The following SYCP2 variants were observed in gnomAD, a reference collection of about 807,000 sequenced individuals.
SYCP2 encodes synaptonemal complex protein 2, also known as synaptonemal complex lateral element protein.
In SYCP2, 55 loss-of-function variants were observed where a neutral mutation model predicts 211.3. That is an observed-to-expected ratio of 0.26 (90% CI 0.21 to 0.33). The LOEUF (loss-of-function observed/expected upper bound fraction) is 0.33. Ranked by LOEUF, SYCP2 falls within the 10% of genes least tolerant of loss-of-function variation. The pLI, the probability that SYCP2 is intolerant of heterozygous loss-of-function variation, is 1.00. For synonymous variants in SYCP2, 570 were observed against 555.2 expected (o/e 1.03, Z -0.37); for missense variants, 1,731 against 1,752.0 (o/e 0.99, Z 0.21).
chr20:59,890,656 T>C (rs2059889133), intron 24 of SYCP2, among the ~76,000 whole-genome samples: 1 of 151,754 alleles, frequency 6.6e-6, no homozygotes, highest in African/African-American at 2.4e-5. Context: ...AGGATACAGG[T>C]AGTGACTCTA....
intron 1 of SYCP2, among the ~76,000 whole-genome samples, chr20:59,932,504 C>G (rs1024617068): frequency 6.6e-6 from 1 of 152,006 alleles, no homozygotes; most frequent in African/African-American, 2.4e-5. Flanking sequence ...GGAGAAAACC[C>G]GTCTCTACTA....
At chr20:59,908,564 ATTG>A (rs1178055391) in intron 14 of SYCP2, among the ~76,000 whole-genome samples, 12 of 152,204 alleles carry the variant, frequency 7.9e-5, no homozygotes, top group East Asian at 5.8e-4. Context: ...ATTCCCAATA[ATTG>A]TTATCATCTA....
At chr20:59,895,004 T>TA (rs11477513) in intron 20 of SYCP2, among the ~76,000 whole-genome samples, 2 of 152,076 alleles carry the variant, frequency 1.3e-5, no homozygotes, top group South Asian at 4.1e-4. Flanking sequence ...CTTGACCCTC[T>TA]AACTTGGTTC....
intron 7 of SYCP2, among the ~76,000 whole-genome samples, chr20:59,918,906 A>G (rs1205097459): frequency 1.3e-5 from 2 of 152,130 alleles, no homozygotes; most frequent in Non-Finnish European, 2.9e-5. Context: ...AATGGCATCA[A>G]TAAATTATTC....
intron 9 of SYCP2, 44 bp downstream of exon 9, chr20:59,915,421 T>A (rs771995400): frequency 7.6e-7 from 1 of 1,315,952 alleles, no homozygotes; most frequent in South Asian, 1.3e-5. Context: ...TAAAACATTC[T>A]TATGGATTTT....
At position 59,913,988 on chromosome 20, in the gene SYCP2, C is replaced by A; in HGVS notation, c.817G>T (p.Gly273Ter). Residue 273 changes from glycine (G) to a stop codon, truncating the protein, a stop_gained, in exon 12 of 45, where the codon GGA becomes TGA. Coordinates refer to ENST00000357552, the MANE Select transcript of SYCP2 (RefSeq NM_014258.4). LOFTEE classifies it high-confidence loss of function. ...IFLNLVNGML[G>*]DKRRVFTFPC... ...CATTAAGTTTACCTTCTTTTGTCTC[C>A]AAGCATGCCATTTACAAGGTTGAGA... 6.3e-7 allele frequency: 1 copy of A among 1,598,624 alleles called. No homozygotes were observed. Among genetic ancestry groups the A allele is most frequent in the South Asian group, 1.1e-5 (1 of 87,742 alleles).
chr20:59,893,224 T>C (rs1310768232), intron 21 of SYCP2, 25 bp from the exon 22 acceptor site: 7 of 1,474,316 alleles, frequency 4.7e-6, no homozygotes, highest in Non-Finnish European at 1.9e-6. Context: ...TATTATAATA[T>C]TTTCATTTTT....
At chr20:59,892,538 C>A (rs1400278547) in intron 23 of SYCP2, 30 bp downstream of exon 23, 2 of 1,578,974 alleles carry the variant, frequency 1.3e-6, no homozygotes, top group South Asian at 1.2e-5. Context: ...TAACACTGAA[C>A]TATTACATAT....
intron 4 of SYCP2, 104 bp downstream of exon 4, chr20:59,921,206 A>G (rs2060535785): frequency 2.3e-6 from 2 of 870,612 alleles, no homozygotes; most frequent in African/African-American, 1.8e-5. Context: ...ATTATGACTG[A>G]GCTTGCCCAA....
chr20:59,913,294 T>C (rs1028356423), intron 12 of SYCP2, among the ~76,000 whole-genome samples: 3 of 152,100 alleles, frequency 2.0e-5, no homozygotes, highest in African/African-American at 4.8e-5. Context: ...TGCCCAATAT[T>C]AGAACAGGAA....
intron 3 of SYCP2, among the ~76,000 whole-genome samples, chr20:59,922,085 A>G (rs541060272): frequency 5.3e-5 from 8 of 151,798 alleles, no homozygotes; most frequent in South Asian, 4.1e-4. Context: ...ACAATATCTT[A>G]ACCTCTAAAA....
intron 13 of SYCP2, chr20:59,912,119 A>G (rs923643439): frequency 1.7e-5 from 7 of 416,562 alleles, no homozygotes; most frequent in Admixed American, 4.5e-5. Flanking sequence ...CATACATGAT[A>G]AATCAATAAT....
At chr20:59,866,428 C>T (rs2059335621) in intron 40 of SYCP2, 36 bp from the exon 41 acceptor site, 4 of 1,559,722 alleles carry the variant, frequency 2.6e-6, no homozygotes, top group Non-Finnish European at 3.5e-6. Flanking sequence ...ATTTTAAAAA[C>T]TGTAGCATTC....
chr20:59,922,513 T>A lies in SYCP2; in HGVS notation c.-46-54A>T, dbSNP rs187634675. 112 of 917,356 alleles carry A rather than the reference T, an allele frequency of 1.2e-4. No individual in the cohort carries two copies. In the African/African-American group the frequency reaches 1.8e-3, roughly 15 times the overall value. 56.8% of individuals were successfully genotyped at this position (917,356 alleles called of 1,614,324 possible). On this transcript the variant is annotated intron_variant, in intron 2 of 44. Transcript: ENST00000357552. Reference sequence around the variant, plus strand: ...TCTCACAATCTGTTTCATGTGTTTATCAGTTTAAATATCTTACACACATAA... The same window carrying A: ...TCTCACAATCTGTTTCATGTGTTTAACAGTTTAAATATCTTACACACATAA...
chr20:59,866,502 C>T lies in SYCP2; in HGVS notation c.4213G>A (p.Asp1405Asn). ...HLRTMNHQSQ[D>N]SRIKKLDKFQ... ...CAGATTTTTATTACAGACCTAGAGT[C>T]CTGACTTTGATGATTCATTGTTCTC... Residue 1405 changes from aspartate (D) to asparagine (N), a missense_variant, in exon 40 of 45, where the codon GAC (aspartate) becomes AAC (asparagine). Physicochemically the swap from Asp to Asn is conservative, Grantham distance 23 (BLOSUM62 1). This residue lies in a region of SYCP2 where 1,387 missense variants were observed against 1,351.3 expected (regional missense o/e 1.03). Transcript: ENST00000357552. The T allele has an allele frequency of 6.2e-7, 1 of 1,608,276 alleles. No homozygotes were observed. Among genetic ancestry groups the T allele is most frequent in the Non-Finnish European group, 8.5e-7 (1 of 1,177,408 alleles).
intron 14 of SYCP2, among the ~76,000 whole-genome samples, chr20:59,911,287 A>G (rs1239336877): frequency 6.6e-6 from 1 of 152,182 alleles, no homozygotes; most frequent in African/African-American, 2.4e-5. Context: ...CAGCTATGAT[A>G]AAGCATAGGA....
At position 59,880,968 on chromosome 20, in the gene SYCP2, T is replaced by C. The variant is rs770793833; in HGVS notation, c.2770A>G (p.Lys924Glu). 9.0e-6 allele frequency: 13 copies of C among 1,449,486 alleles called. No individual in the cohort carries two copies. The Admixed American group carries it at 1.5e-4, about 17-fold the overall frequency. 89.8% of individuals were successfully genotyped at this position (1,449,486 alleles called of 1,614,324 possible). Residue 924 changes from lysine to glutamate, a missense_variant and splice_region_variant, in exon 30 of 45, where the codon AAA becomes GAA. Physicochemically the swap from Lys to Glu is moderately conservative, Grantham distance 56 (BLOSUM62 1). Around this residue, in one of 3 missense-constraint regions of SYCP2, gnomAD observed 1,387 missense variants for 1,351.3 expected, o/e 1.03. Transcript: ENST00000357552. ...CATATTGAGATATTATAACTTACTT[T>C]TTTATCTTTTGTTTTGACAGAAGAT... ...LKSSVKTKDK[K>E]IITNHQKKNL...
chr20:59,915,175 TA>T lies in SYCP2; in HGVS notation c.623del (p.Leu208Ter). The T allele has an allele frequency of 6.3e-7, 1 of 1,578,030 alleles. No individual in the cohort carries two copies. Among genetic ancestry groups the T allele is most frequent in the Non-Finnish European group, 8.7e-7 (1 of 1,148,672 alleles). ...ILMSSMGERI[L>X]DAGDYDLQVG... is the part of the protein sequence containing the mutation. ...AAAAGACATACTTACCTCCAGCATC[TA>T]AAATCCTTTCTCCCATACTACTCCT... On this transcript the variant is annotated frameshift_variant, in exon 10 of 45. Transcript: ENST00000357552. LOFTEE classifies it high-confidence loss of function.
At chr20:59,914,844 T>C (rs1308834715) in intron 10 of SYCP2, among the ~76,000 whole-genome samples, 2 of 152,010 alleles carry the variant, frequency 1.3e-5, no homozygotes, top group Admixed American at 6.6e-5. Context: ...TATATTAAGC[T>C]ATTATATTAA....
Sources: allele counts gnomAD v4.1 joint callset (sites outside exome capture counted in the v4.1 genomes callset), GRCh38; gene constraint gnomAD v4.1.1; regional missense constraint gnomAD v4.1.1; transcripts MANE v1.5; gene names NCBI Gene and HGNC (gene_info 2026-07-23, HGNC 2026-07-21).